The following PIP5K1A variants were observed in gnomAD, a reference collection of about 807,000 sequenced individuals.
PIP5K1A encodes phosphatidylinositol 4-phosphate 5-kinase type-1 alpha.
PIP5K1A carries 46 observed loss-of-function variants against 72.9 expected under a neutral mutation model. The observed-to-expected ratio is 0.63, with a 90% CI of 0.50 to 0.81. PIP5K1A has a LOEUF of 0.81. Ranked by LOEUF, PIP5K1A falls within the 30% of genes least tolerant of loss-of-function variation. The pLI is 0.00. For missense variants in PIP5K1A, 458 were observed against 706.1 expected, an observed-to-expected ratio of 0.65 and a Z score of 3.98; for synonymous variants, 228 against 255.1, an observed-to-expected ratio of 0.89 and a Z score of 1.01.
chr1:151,232,758 G>C, intron 7 of PIP5K1A, 55 bp downstream of exon 7: 1 of 1,512,246 alleles, frequency 6.6e-7, no homozygotes, highest in Non-Finnish European at 9.1e-7. Flanking sequence ...GGCAAGGCTG[G>C]GGAGGCTGTC....
At chr1:151,201,999 A>G (rs587703737) in intron 1 of PIP5K1A, among the ~76,000 whole-genome samples, 2 of 152,336 alleles carry the variant, frequency 1.3e-5, no homozygotes, top group East Asian at 3.9e-4. Context: ...CTTAGAGCTT[A>G]TGGTTTGCTT....
chr1:151,236,824 T>C, intron 9 of PIP5K1A, 61 bp downstream of exon 9: 2 of 880,778 alleles, frequency 2.3e-6, no homozygotes, highest in Non-Finnish European at 3.3e-6. Context: ...TTCTTTTCTT[T>C]TTTTTTTTTT....
At chr1:151,220,154 G>A (rs1688213105) in intron 1 of PIP5K1A, among the ~76,000 whole-genome samples, 1 of 151,472 alleles carries the variant, frequency 6.6e-6, no homozygotes, top group Admixed American at 6.6e-5. Flanking sequence ...TACAGGTGGT[G>A]TCATCATGCT....
intron 9 of PIP5K1A, 59 bp downstream of exon 9, chr1:151,236,822 T>A (rs1305072210): frequency 2.2e-4 from 59 of 269,936 alleles, no homozygotes; most frequent in Non-Finnish European, 2.6e-4. Context: ...TTTTCTTTTC[T>A]TTTTTTTTTT....
At chr1:151,202,799 GTCTC>G (rs1207972509) in intron 1 of PIP5K1A, among the ~76,000 whole-genome samples, 2 of 133,426 alleles carry the variant, frequency 1.5e-5, no homozygotes, top group Non-Finnish European at 3.2e-5. Flanking sequence ...TTGAGAGGGA[GTCTC>G]TCTCTGTCGC....
At chr1:151,215,026 CTTTTTTTTTTT>C (rs981508990) in intron 1 of PIP5K1A, among the ~76,000 whole-genome samples, 1 of 115,088 alleles carries the variant, frequency 8.7e-6, no homozygotes, top group Non-Finnish European at 1.8e-5. Flanking sequence ...CCTGTGCATT[CTTTTTTTTTTT>C]TTTTTTTTTT....
At chr1:151,239,495 C>T (rs985155745) in intron 11 of PIP5K1A, among the ~76,000 whole-genome samples, 2 of 152,002 alleles carry the variant, frequency 1.3e-5, no homozygotes, top group African/African-American at 4.8e-5. Flanking sequence ...TGGTCTCAAA[C>T]TCCTGACCTC....
chr1:151,234,598 G>A (rs1690587755), intron 8 of PIP5K1A, 102 bp downstream of exon 8: 2 of 858,006 alleles, frequency 2.3e-6, no homozygotes, highest in Non-Finnish European at 2.0e-6. Flanking sequence ...CCTTAGCACT[G>A]TATGTCCTGG....
intron 14 of PIP5K1A, among the ~76,000 whole-genome samples, chr1:151,243,538 C>T (rs1692065135): frequency 6.6e-6 from 1 of 152,192 alleles, no homozygotes; most frequent in African/African-American, 2.4e-5. Flanking sequence ...GTTCCAAAAT[C>T]CAGGAAATGT....
chr1:151,217,939 C>T (rs980066693), intron 1 of PIP5K1A, among the ~76,000 whole-genome samples: 2 of 152,044 alleles, frequency 1.3e-5, no homozygotes, highest in African/African-American at 4.8e-5. Context: ...CCACCATGTC[C>T]GGCTAATTTT....
chr1:151,221,917 A>G (rs779096073), intron 1 of PIP5K1A, among the ~76,000 whole-genome samples: 7 of 152,066 alleles, frequency 4.6e-5, no homozygotes, highest in Non-Finnish European at 1.0e-4. Context: ...ACAAAAAAGA[A>G]TAATAGCAAA....
At chr1:151,232,148 C>T (rs750979631) in intron 5 of PIP5K1A, 100 bp from the exon 6 acceptor site, 11 of 792,592 alleles carry the variant, frequency 1.4e-5, no homozygotes, top group Admixed American at 1.8e-5. Flanking sequence ...TGTATTCCCC[C>T]ACTCCCCCCA....
chr1:151,198,099 G>C (rs973762121), upstream of PIP5K1A: 1 of 470,608 alleles, frequency 2.1e-6, no homozygotes, highest in Non-Finnish European at 4.4e-6. Context: ...GATCTATTTC[G>C]AATGCCATTC....
intron 4 of PIP5K1A, among the ~76,000 whole-genome samples, chr1:151,228,036 C>G (rs1689415717): frequency 1.3e-5 from 2 of 152,210 alleles, no homozygotes; most frequent in Non-Finnish European, 2.9e-5. Context: ...CTCTCGCAGT[C>G]TTTCTGTCTT....
chr1:151,236,821 C>CTTTTTTTTTTTTTTTTTTTTT (rs369523470), intron 9 of PIP5K1A, 58 bp downstream of exon 9: 1 of 429,148 alleles, frequency 2.3e-6, no homozygotes, highest in Non-Finnish European at 3.8e-6. Context: ...CTTTTCTTTT[C>CTTTTTTTTTTTTTTTTTTTTT]TTTTTTTTTT....
chr1:151,210,941 A>C (rs1311985468), intron 1 of PIP5K1A, among the ~76,000 whole-genome samples: 2 of 152,090 alleles, frequency 1.3e-5, no homozygotes, highest in Non-Finnish European at 2.9e-5. Context: ...GACCTCAGGG[A>C]TTGTTTCCCT....
chr1:151,242,534 T>C lies in PIP5K1A; in HGVS notation c.1607T>C (p.Leu536Pro), dbSNP rs1466514957. The C allele has an allele frequency of 1.9e-6, 3 of 1,613,610 alleles. No homozygotes were observed. Among genetic ancestry groups the C allele is most frequent in the Non-Finnish European group, 1.7e-6 (2 of 1,179,464 alleles). The change falls in exon 14 of 16, where the codon CTA becomes CCA. Residue 536 changes from leucine to proline, a missense_variant. This residue lies in a region of PIP5K1A where 157 missense variants were observed against 175.5 expected (regional missense o/e 0.89). Transcript: ENST00000368888. The part of the protein sequence containing the change: ...SPIPDPSFSP[L>P]VGETLQMLTT... ...ATTCCTGACCCCAGTTTCTCACCTCTAGTTGGAGAGACTTTGCAAATGCTA... is the reference window on the plus strand; with the variant it reads ...ATTCCTGACCCCAGTTTCTCACCTCCAGTTGGAGAGACTTTGCAAATGCTA...
At chr1:151,223,948 A>G in intron 1 of PIP5K1A, 1 of 415,990 alleles carries the variant, frequency 2.4e-6, no homozygotes, top group Admixed American at 4.0e-5. Context: ...AGCCTGGGCG[A>G]TAGAGTGAGA....
upstream of PIP5K1A, among the ~76,000 whole-genome samples, chr1:151,197,398 G>C (rs180917708): frequency 4.5e-3 from 686 of 151,792 alleles, 6 homozygotes; most frequent in African/African-American, 0.016. Flanking sequence ...CCTGCCCCAG[G>C]CTCCCGAGTA....
Sources: gnomAD v4.1 joint callset for allele counts (sites outside exome capture counted in the v4.1 genomes callset) on GRCh38, gnomAD v4.1.1 for gene constraint, gnomAD v4.1.1 regional missense constraint, MANE v1.5 for transcripts, NCBI Gene and HGNC (gene_info 2026-07-23, HGNC 2026-07-21) for gene names.